NTM: variants seen among roughly 807,000 people sequenced by gnomAD.
The protein encoded by NTM is IgLON family member 2.
A neutral mutation model predicts 42.1 loss-of-function variants in NTM; 13 were observed. That is an observed-to-expected ratio of 0.31 (90% CI 0.20 to 0.49). The LOEUF (loss-of-function observed/expected upper bound fraction) is 0.49, where lower values mean the gene tolerates loss of function less well. Ranked by LOEUF, NTM falls within the 20% of genes least tolerant of loss-of-function variation. The probability of loss-of-function intolerance (pLI) is 0.99; values close to 1 mark genes in which losing one functional copy is unlikely to be tolerated. For synonymous variants in NTM, 187 were observed against 179.2 expected, an observed-to-expected ratio of 1.04 and a Z score of -0.35; for missense variants, 373 against 452.8, an observed-to-expected ratio of 0.82 and a Z score of 1.60.
rs207472539 is a variant in NTM, at chr11:132,052,482, G to C, written c.168-93800G>C. 1.0e-3 allele frequency among the ~76,000 whole-genome samples: 155 copies of C among 152,268 alleles called. 6 individuals carry two copies. In the South Asian group the frequency reaches 0.032, roughly 31 times the overall value. Reference sequence around the variant, plus strand: ...TGTCAACAGCCCCCAGCTCTGCCATGCTTATCAGGGCAAGGAAGAGGGAGA... The same window carrying C: ...TGTCAACAGCCCCCAGCTCTGCCATCCTTATCAGGGCAAGGAAGAGGGAGA... On this transcript the variant is annotated intron_variant, in intron 2 of 8. Transcript: ENST00000683400.
chr11:132,335,231 A>C lies in NTM; in HGVS notation c.*85A>C. ...GCAATGGCAACACCGACAGCAACCA[A>C]TCAGATATATACAAATGAAATTAGA... On this transcript the variant is annotated 3_prime_UTR_variant, in exon 9 of 9. Coordinates refer to ENST00000683400, the MANE Select transcript of NTM (RefSeq NM_001352005.2). The C allele has an allele frequency of 7.0e-7, 1 of 1,429,390 alleles. No homozygotes were observed. The highest frequency in any genetic ancestry group is 9.7e-7 in the Non-Finnish European group (1 of 1,032,232). The allele number at this position is 1,429,390 out of a possible 1,614,324, so 88.5% of individuals were successfully genotyped here. A position where few individuals can be genotyped will look rare whatever the true frequency, so the allele number is the denominator to read the frequency against.
chr11:131,828,345 C>A (rs2042387649), intron 1 of NTM, among the ~76,000 whole-genome samples: 1 of 151,998 alleles, frequency 6.6e-6, no homozygotes, highest in Non-Finnish European at 1.5e-5. Context: ...ATTGTCACTA[C>A]CACAATCATC....
At chr11:132,334,740 C>A (rs547281413) in intron 8 of NTM, among the ~76,000 whole-genome samples, 1 of 152,066 alleles carries the variant, frequency 6.6e-6, no homozygotes, top group African/African-American at 2.4e-5. Flanking sequence ...CCACCTTCTT[C>A]TTGAATTTGA....
chr11:131,522,298 A>G (rs946605287), intron 1 of NTM, among the ~76,000 whole-genome samples: 6 of 151,898 alleles, frequency 4.0e-5, no homozygotes, highest in Non-Finnish European at 8.8e-5. Flanking sequence ...GTACGCTCTC[A>G]GTTGGCTTGT....
intron 1 of NTM, among the ~76,000 whole-genome samples, chr11:131,616,168 G>A (rs528628805): frequency 1.3e-5 from 2 of 152,314 alleles, no homozygotes; most frequent in African/African-American, 4.8e-5. Flanking sequence ...TACAGGCTCT[G>A]TACAGGGGAC....
intron 1 of NTM, among the ~76,000 whole-genome samples, chr11:131,390,782 C>A (rs889867500): frequency 5.3e-5 from 8 of 152,130 alleles, no homozygotes; most frequent in African/African-American, 1.9e-4. Flanking sequence ...AATTCTCAAG[C>A]CCCACCCCCA....
chr11:131,954,047 C>T (rs1186739585), intron 2 of NTM, among the ~76,000 whole-genome samples: 4 of 152,206 alleles, frequency 2.6e-5, no homozygotes, highest in South Asian at 2.1e-4. Flanking sequence ...CAAGTCGAAT[C>T]GGAGGGATCC....
In NTM at chr11:132,335,242, AC is replaced by A; in HGVS notation, c.*97del. On this transcript the variant is annotated 3_prime_UTR_variant, in exon 9 of 9. Transcript: ENST00000683400. ...ACCGACAGCAACCAATCAGATATAT[AC>A]AAATGAAATTAGAAGAAACACAGCC... 7.5e-7 allele frequency: 1 copy of A among 1,326,688 alleles called. No individual in the cohort carries two copies. The highest frequency in any genetic ancestry group is 1.0e-6 in the Non-Finnish European group (1 of 966,230). The allele number at this position is 1,326,688 out of a possible 1,614,324, so 82.2% of individuals were successfully genotyped here.
At chr11:131,500,585 T>A (rs71470692) in intron 1 of NTM, among the ~76,000 whole-genome samples, 16,868 of 68,968 alleles carry the variant, frequency 0.24, 1,381 homozygotes, top group East Asian at 0.4. Context: ...ATATTTTTTT[T>A]TTTTTTTTTT....
chr11:132,021,607 G>A (rs1480022761), intron 2 of NTM, among the ~76,000 whole-genome samples: 1 of 152,096 alleles, frequency 6.6e-6, no homozygotes, highest in Non-Finnish European at 1.5e-5. Flanking sequence ...TGCTATGCAT[G>A]AACAGTCACT....
chr11:131,973,796 G>A (rs1441943592), intron 2 of NTM, among the ~76,000 whole-genome samples: 2 of 152,188 alleles, frequency 1.3e-5, no homozygotes, highest in Non-Finnish European at 2.9e-5. Context: ...TACCCTGGGC[G>A]ACAGAGTGAG....
chr11:132,227,170 A>T (rs2086486126), intron 4 of NTM, among the ~76,000 whole-genome samples: 1 of 152,198 alleles, frequency 6.6e-6, no homozygotes, highest in South Asian at 2.1e-4. Flanking sequence ...GAAAAGGATG[A>T]TCCAGCAAAG....
At chr11:131,962,119 C>G (rs1215338186) in intron 2 of NTM, among the ~76,000 whole-genome samples, 1 of 152,092 alleles carries the variant, frequency 6.6e-6, no homozygotes, top group Non-Finnish European at 1.5e-5. Flanking sequence ...CTCCTTATGG[C>G]TCCTTAGCAT....
intron 2 of NTM, among the ~76,000 whole-genome samples, chr11:132,094,994 A>T (rs1591477342): frequency 1.3e-5 from 2 of 152,202 alleles, no homozygotes; most frequent in Admixed American, 6.5e-5. Flanking sequence ...TGACAGCTCC[A>T]TCATTGCAGG....
intron 4 of NTM, among the ~76,000 whole-genome samples, chr11:132,246,779 T>C (rs754491230): frequency 6.6e-6 from 1 of 152,184 alleles, no homozygotes; most frequent in Non-Finnish European, 1.5e-5. Context: ...GGCCGTCCTT[T>C]CACACGCCAG....
intron 2 of NTM, among the ~76,000 whole-genome samples, chr11:132,075,142 T>C (rs540377946): frequency 1.3e-5 from 2 of 152,198 alleles, no homozygotes; most frequent in African/African-American, 4.8e-5. Context: ...ATAAGCAAAT[T>C]CATAGAATCA....
intron 2 of NTM, among the ~76,000 whole-genome samples, chr11:132,038,821 G>A (rs1274665683): frequency 1.3e-5 from 2 of 152,082 alleles, no homozygotes; most frequent in East Asian, 1.9e-4. Context: ...CCTTCCTCAC[G>A]TCCCTGTGTC....
chr11:132,244,650 C>G (rs1049165322), intron 4 of NTM, among the ~76,000 whole-genome samples: 1 of 152,314 alleles, frequency 6.6e-6, no homozygotes, highest in South Asian at 2.1e-4. Context: ...AATAGGGACA[C>G]ACATGTCTTC....
intron 2 of NTM, among the ~76,000 whole-genome samples, chr11:131,934,290 A>G (rs1161938775): frequency 6.6e-6 from 1 of 152,192 alleles, no homozygotes; most frequent in Non-Finnish European, 1.5e-5. Context: ...AGAGTAATAT[A>G]TGGAGAATAC....
Sources: gnomAD v4.1 joint callset for allele counts (sites outside exome capture counted in the v4.1 genomes callset) on GRCh38, gnomAD v4.1.1 for gene constraint, MANE v1.5 for transcripts, NCBI Gene and HGNC (gene_info 2026-07-23, HGNC 2026-07-21) for gene names.